Variants in PKNOX2 observed in about 807,000 individuals in gnomAD.
PKNOX2 encodes PBX/knotted 1 homeobox 2, also known as homeobox protein PKNOX2.
A neutral mutation model predicts 53.1 loss-of-function variants in PKNOX2; 14 were observed. The observed-to-expected ratio is 0.26, with a 90% confidence interval of 0.17 to 0.41. PKNOX2 has a LOEUF of 0.41. PKNOX2 is among the 10% of genes least tolerant of loss of function. The pLI is 1.00. For synonymous variants in PKNOX2, 257 were observed against 242.8 expected (o/e 1.06, Z -0.54); for missense variants, 496 against 602.8 (o/e 0.82, Z 1.85).
intron 7 of PKNOX2, among the ~76,000 whole-genome samples, chr11:125,406,449 T>C (rs759852094): frequency 6.6e-6 from 1 of 152,188 alleles, no homozygotes; most frequent in African/African-American, 2.4e-5. Flanking sequence ...CATTGCTACG[T>C]AAAGAACTCA....
At chr11:125,371,339 C>T (rs903017431) in intron 5 of PKNOX2, among the ~76,000 whole-genome samples, 2 of 152,054 alleles carry the variant, frequency 1.3e-5, no homozygotes, top group Non-Finnish European at 1.5e-5. Context: ...GGACCCAGCT[C>T]AGTTCTCTCC....
intron 7 of PKNOX2, among the ~76,000 whole-genome samples, chr11:125,406,237 CAGACCCTCCTTGTCTCCA>C (rs1591559875): frequency 1.3e-5 from 2 of 152,340 alleles, no homozygotes; most frequent in East Asian, 3.9e-4. Context: ...AAAAGAGAGT[CAGACCCTCCTTGTCTCCA>C]TTCCACGGCT....
At chr11:125,195,731 C>T (rs1957136314) in intron 1 of PKNOX2, among the ~76,000 whole-genome samples, 1 of 152,056 alleles carries the variant, frequency 6.6e-6, no homozygotes, top group African/African-American at 2.4e-5. Flanking sequence ...GGGAAATGGC[C>T]AGTGGGGCAG....
At chr11:125,412,730 C>T (rs970962208) in intron 10 of PKNOX2, among the ~76,000 whole-genome samples, 3 of 152,132 alleles carry the variant, frequency 2.0e-5, no homozygotes, top group African/African-American at 7.2e-5. Context: ...CATGTCAGGA[C>T]AGACAGACAC....
intron 5 of PKNOX2, among the ~76,000 whole-genome samples, chr11:125,369,885 T>C (rs1335754989): frequency 1.3e-5 from 2 of 152,204 alleles, no homozygotes; most frequent in Non-Finnish European, 2.9e-5. Flanking sequence ...GGAGCATTGC[T>C]ACTCAAAGTA....
At chr11:125,355,031 C>G (rs1951527068) in intron 4 of PKNOX2, among the ~76,000 whole-genome samples, 1 of 152,092 alleles carries the variant, frequency 6.6e-6, no homozygotes, top group South Asian at 2.1e-4. Flanking sequence ...CTTTGGGAGG[C>G]TGAGGTGAGC....
At chr11:125,175,638 A>C (rs1565461627) in intron 1 of PKNOX2, among the ~76,000 whole-genome samples, 1 of 152,218 alleles carries the variant, frequency 6.6e-6, no homozygotes, top group South Asian at 2.1e-4. Context: ...AGAGAAGGTA[A>C]GAGAATTTGC....
chr11:125,317,710 G>A lies in PKNOX2; in HGVS notation c.-129-14109G>A, dbSNP rs182411131. Among the ~76,000 whole-genome samples the A allele has an allele frequency of 3.7e-3, 565 of 152,038 alleles. 1 individual carries two copies. The highest frequency in any genetic ancestry group is 0.023 in the South Asian group (110 of 4,822). On this transcript the variant is annotated intron_variant, in intron 2 of 12. Transcript: ENST00000298282. ...CAGGCTTTGTTGTTCCATTTATAGAGTGCAGGCAAAGCAGATTTAGCATCA... is the reference window on the plus strand; with the variant it reads ...CAGGCTTTGTTGTTCCATTTATAGAATGCAGGCAAAGCAGATTTAGCATCA...
chr11:125,221,980 C>T (rs1591485860), intron 1 of PKNOX2, among the ~76,000 whole-genome samples: 1 of 152,138 alleles, frequency 6.6e-6, no homozygotes, highest in Admixed American at 6.5e-5. Flanking sequence ...AAATCAAATG[C>T]GTATTTTGGG....
At chr11:125,266,941 T>C (rs1201317986) in intron 2 of PKNOX2, 1 of 152,248 alleles carries the variant, frequency 6.6e-6, no homozygotes, top group Admixed American at 6.5e-5. Flanking sequence ...CTTAGGAATG[T>C]GCCTTCGGCA....
chr11:125,174,678 T>C (rs976104031), intron 1 of PKNOX2, among the ~76,000 whole-genome samples: 4 of 152,132 alleles, frequency 2.6e-5, no homozygotes, highest in Non-Finnish European at 5.9e-5. Flanking sequence ...CATTTATTTG[T>C]CTGCAGGGGC....
intron 2 of PKNOX2, among the ~76,000 whole-genome samples, chr11:125,297,151 A>G (rs964775068): frequency 2.0e-4 from 31 of 152,244 alleles, no homozygotes; most frequent in African/African-American, 6.3e-4. Flanking sequence ...ACTTTTCACA[A>G]CGATCCATAG....
At chr11:125,314,431 A>T (rs1949023904) in intron 2 of PKNOX2, among the ~76,000 whole-genome samples, 1 of 152,130 alleles carries the variant, frequency 6.6e-6, no homozygotes, top group African/African-American at 2.4e-5. Context: ...ATGGTGGGGA[A>T]GACTCAGAGC....
chr11:125,429,005 G>A lies in PKNOX2; in HGVS notation c.937-7G>A, dbSNP rs746088235. On this transcript the variant is annotated splice_region_variant and splice_polypyrimidine_tract_variant and intron_variant, in intron 10 of 12. Transcript: ENST00000298282. ...CAGCCCTCACTAGTCTCCACCTCTC[G>A]TTTCAGCACCCCTACCCCACGGAGG... 1.5e-5 allele frequency: 24 copies of A among 1,612,074 alleles called. No individual in the cohort carries two copies. The highest frequency in any genetic ancestry group is 6.6e-5 in the South Asian group (6 of 91,050).
intron 3 of PKNOX2, among the ~76,000 whole-genome samples, chr11:125,337,085 A>T (rs1419741459): frequency 6.6e-6 from 1 of 152,132 alleles, no homozygotes; most frequent in Non-Finnish European, 1.5e-5. Context: ...GAAGATTTAT[A>T]CTGTTACATT....
At chr11:125,392,009 G>A (rs1177831410) in intron 6 of PKNOX2, among the ~76,000 whole-genome samples, 1 of 152,198 alleles carries the variant, frequency 6.6e-6, no homozygotes, top group Non-Finnish European at 1.5e-5. Context: ...ACACAGGATA[G>A]AGGATGATTT....
intron 1 of PKNOX2, among the ~76,000 whole-genome samples, chr11:125,205,926 C>G (rs1387166026): frequency 6.6e-6 from 1 of 152,032 alleles, no homozygotes; most frequent in African/African-American, 2.4e-5. Flanking sequence ...GAGACATCAC[C>G]TGATGGAACA....
At chr11:125,225,965 C>A (rs1941647389) in intron 1 of PKNOX2, among the ~76,000 whole-genome samples, 1 of 152,188 alleles carries the variant, frequency 6.6e-6, no homozygotes, top group African/African-American at 2.4e-5. Flanking sequence ...ACCTGTAGCC[C>A]ATCCACATCC....
intron 10 of PKNOX2, among the ~76,000 whole-genome samples, chr11:125,412,141 G>A (rs1356035135): frequency 6.6e-6 from 1 of 152,224 alleles, no homozygotes; most frequent in Non-Finnish European, 1.5e-5. Flanking sequence ...CAAGAGTCAA[G>A]TGCTGGGCAG....
Sources: allele counts gnomAD v4.1 joint callset (sites outside exome capture counted in the v4.1 genomes callset), GRCh38; gene constraint gnomAD v4.1.1; transcripts MANE v1.5; gene names NCBI Gene and HGNC (gene_info 2026-07-23, HGNC 2026-07-21).